The following ZNF518B variants were observed in gnomAD, a reference collection of about 807,000 sequenced individuals.
ZNF518B encodes the protein zinc finger protein 518B.
A neutral mutation model predicts 56.3 loss-of-function variants in ZNF518B; 23 were observed. The ratio of observed to expected loss-of-function variants is 0.41; its 90% CI spans 0.29 to 0.58. ZNF518B has a LOEUF of 0.58. Ranked by LOEUF, ZNF518B falls within the 20% of genes least tolerant of loss-of-function variation. The probability of loss-of-function intolerance (pLI) is 0.32; values close to 1 mark genes in which losing one functional copy is unlikely to be tolerated. For missense variants in ZNF518B, 1,460 were observed against 1,272.1 expected, an observed-to-expected ratio of 1.15 and a Z score of -2.25; for synonymous variants, 529 against 465.9, an observed-to-expected ratio of 1.14 and a Z score of -1.74.
rs975659095 is a variant in ZNF518B, at chr4:10,441,865, G to A, written c.*1239C>T. The A allele has an allele frequency of 3.9e-5, 6 of 152,362 alleles. No homozygotes were observed. The East Asian group carries it at 1.2e-3, about 29-fold the overall frequency. The allele number at this position is 152,362 out of a possible 1,614,324, so 9.4% of individuals were successfully genotyped here. A position where few individuals can be genotyped will look rare whatever the true frequency, so the allele number is the denominator to read the frequency against. On this transcript the variant is annotated 3_prime_UTR_variant, in exon 3 of 3. Transcript: ENST00000326756. Reference sequence around the variant, plus strand: ...GCTGAGCAGCAGGGTAAGCATGAATGTGGTTAAGACAAATTAGAAACAGCG... The same window carrying A: ...GCTGAGCAGCAGGGTAAGCATGAATATGGTTAAGACAAATTAGAAACAGCG...
chr4:10,444,761 C>T lies in ZNF518B; in HGVS notation c.1568G>A (p.Ser523Asn), dbSNP rs9291410. ...FAESGRNLHSSSQQLLPFAAS... is the reference protein window; with the variant it reads ...FAESGRNLHSNSQQLLPFAAS... ...AGCAAATGGGAGTAACTGCTGTGAG[C>T]TACTGTGTAAATTTCTTCCACTTTC... The change falls in exon 3 of 3, where the codon AGC becomes AAC. Residue 523 changes from serine (S) to asparagine (N), a missense_variant. By Grantham distance (46) the Ser-to-Asn change is conservative (BLOSUM62 1). Transcript: ENST00000326756. 1,611,631 of 1,614,006 alleles carry T rather than the reference C, an allele frequency of 1. 804,663 individuals are homozygous for T. Among genetic ancestry groups the T allele is most frequent in the East Asian group, 1 (44,876 of 44,876 alleles).
At chr4:10,451,680 G>T (rs1459891340) in intron 2 of ZNF518B, 2 of 152,040 alleles carry the variant, frequency 1.3e-5, no homozygotes, top group Non-Finnish European at 2.9e-5. Context: ...TTATTTGTTT[G>T]GTTATACCGC....
In ZNF518B at chr4:10,444,525, T is replaced by A. The variant is rs370725156; in HGVS notation, c.1804A>T (p.Ile602Leu). Residue 602 changes from isoleucine (I) to leucine (L), a missense_variant, in exon 3 of 3, where the codon ATA (isoleucine) becomes TTA (leucine). Physicochemically the swap from Ile to Leu is conservative, Grantham distance 5 (BLOSUM62 2). Coordinates refer to ENST00000326756, the MANE Select transcript of ZNF518B (RefSeq NM_053042.3). Reference protein sequence around the residue: ...QHKSEYLHINITGEDRSQQPG... With the variant: ...QHKSEYLHINLTGEDRSQQPG... The stretch of plus-strand genomic sequence containing the variant: ...TGTTGAGATCTATCTTCTCCAGTTA[T>A]GTTTATATGTAAATACTCACTCTTA... 6.2e-7 allele frequency: 1 copy of A among 1,614,144 alleles called. No individual in the cohort carries two copies.
chr4:10,450,431 CAG>C (rs1408039906), intron 2 of ZNF518B, among the ~76,000 whole-genome samples: 1 of 152,120 alleles, frequency 6.6e-6, no homozygotes, highest in African/African-American at 2.4e-5. Context: ...TGTCTAGTAA[CAG>C]AGGGAAATGC....
rs564668134 is a variant in ZNF518B, at chr4:10,439,881, C to T, written c.*3223G>A. 1 of 152,462 alleles carries T rather than the reference C, an allele frequency of 6.6e-6. No individual in the cohort carries two copies. The highest frequency in any genetic ancestry group is 1.9e-4 in the East Asian group (1 of 5,138). 9.4% of individuals were successfully genotyped at this position (152,462 alleles called of 1,614,324 possible). ...AAGTCACCTGCATAACGTTTGAAAT[C>T]AAAGGGCAAAGAAAATTTTTGTTGC... On this transcript the variant is annotated 3_prime_UTR_variant, in exon 3 of 3. Coordinates refer to ENST00000326756, the MANE Select transcript of ZNF518B (RefSeq NM_053042.3).
Position 10,444,946 on chromosome 4 carries a change from C to G in ZNF518B, c.1383G>C (p.Glu461Asp), listed in dbSNP as rs1331009557. ...ACAAATTATTTTTTTTCTGAAAATC[C>G]TCAATTGTTTCCGAATTAATGAAGG... is the stretch of plus-strand genomic sequence containing the variant. ...GKSFINSETIEDFQKKNNLYP... is the reference protein window; with the variant it reads ...GKSFINSETIDDFQKKNNLYP... Residue 461 changes from glutamate to aspartate, a missense_variant, in exon 3 of 3, where the codon GAG becomes GAC. Coordinates refer to ENST00000326756, the MANE Select transcript of ZNF518B (RefSeq NM_053042.3). 4 of 1,611,058 alleles carry G rather than the reference C, an allele frequency of 2.5e-6. No individual in the cohort carries two copies. Among genetic ancestry groups the G allele is most frequent in the Non-Finnish European group, 8.5e-7 (1 of 1,179,198 alleles).
chr4:10,447,905 T>A (rs1384695072), intron 2 of ZNF518B, among the ~76,000 whole-genome samples: 2 of 152,182 alleles, frequency 1.3e-5, no homozygotes, highest in Non-Finnish European at 2.9e-5. Context: ...TGCCTCAGCC[T>A]CCCAAAGTGC....
chr4:10,459,195 G>C (rs771817482), upstream of ZNF518B, among the ~76,000 whole-genome samples: 5 of 152,214 alleles, frequency 3.3e-5, no homozygotes, highest in African/African-American at 4.8e-5. Context: ...CTGGCAGATA[G>C]AAGTGACTGT....
chr4:10,447,714 A>G (rs1715128038), intron 2 of ZNF518B, among the ~76,000 whole-genome samples: 2 of 148,706 alleles, frequency 1.3e-5, no homozygotes, highest in African/African-American at 5.0e-5. Context: ...CAATGGTGCA[A>G]TCTTGGCTCA....
intron 1 of ZNF518B, among the ~76,000 whole-genome samples, chr4:10,455,656 C>T (rs2108998079): frequency 1.3e-5 from 2 of 152,198 alleles, no homozygotes; most frequent in South Asian, 4.2e-4. Context: ...ATCTTCAGAT[C>T]GGGTATAATA....
At position 10,440,954 on chromosome 4, in the gene ZNF518B, A is replaced by T. The variant is rs1714649586; in HGVS notation, c.*2150T>A. Reference sequence around the variant, plus strand: ...TTCATGCCACAGGAGTACAATATATAACATGGATAAAACTTCGAATGCTCT... The same window carrying T: ...TTCATGCCACAGGAGTACAATATATTACATGGATAAAACTTCGAATGCTCT... On this transcript the variant is annotated 3_prime_UTR_variant, in exon 3 of 3. Transcript: ENST00000326756. 6.8e-6 allele frequency: 1 copy of T among 147,608 alleles called. No individual in the cohort carries two copies. Among genetic ancestry groups the T allele is most frequent in the Non-Finnish European group, 1.5e-5 (1 of 66,998 alleles). 9.1% of individuals were successfully genotyped at this position (147,608 alleles called of 1,614,324 possible).
At chr4:10,454,662 T>C (rs1378749047) in intron 2 of ZNF518B, 143 bp downstream of exon 2, 4 of 152,248 alleles carry the variant, frequency 2.6e-5, no homozygotes, top group East Asian at 1.9e-4. Flanking sequence ...GGAGAAGCTA[T>C]ATGGCTTTTT....
In ZNF518B at chr4:10,443,571, C is replaced by A. The variant is rs558440989; in HGVS notation, c.2758G>T (p.Ala920Ser). The A allele has an allele frequency of 1.2e-6, 2 of 1,614,162 alleles. No homozygotes were observed. Among genetic ancestry groups the A allele is most frequent in the Admixed American group, 1.7e-5 (1 of 60,024 alleles). Residue 920 changes from alanine (A) to serine (S), a missense_variant, in exon 3 of 3, where the codon GCA becomes TCA. Ala to Ser is a moderately conservative substitution (Grantham distance 99, BLOSUM62 1). Transcript: ENST00000326756. Reference sequence around the variant, plus strand: ...GCTGCTATCAGTCTTAGTTGCCTTGCAACCTGAAAAATTGAAGGATCCTTG... The same window carrying A: ...GCTGCTATCAGTCTTAGTTGCCTTGAAACCTGAAAAATTGAAGGATCCTTG... The part of the protein sequence containing the change: ...CLKDPSIFQV[A>S]RQLRLIAAKP...
At position 10,443,652 on chromosome 4, in the gene ZNF518B, G is replaced by C. The variant is rs1389766523; in HGVS notation, c.2677C>G (p.Gln893Glu). ...SLSISRNKTK[Q>E]VHLSRKKNKI... Reference sequence around the variant, plus strand: ...TTTTTCTTCCTGGATAAGTGTACTTGTTTGGTTTTATTTCTACTTATAGAA... The same window carrying C: ...TTTTTCTTCCTGGATAAGTGTACTTCTTTGGTTTTATTTCTACTTATAGAA... Residue 893 changes from glutamine to glutamate, a missense_variant, in exon 3 of 3, where the codon CAA becomes GAA. By Grantham distance (29) the Gln-to-Glu change is conservative. Transcript: ENST00000326756. The C allele has an allele frequency of 1.2e-6, 2 of 1,613,942 alleles. No individual in the cohort carries two copies. Among genetic ancestry groups the C allele is most frequent in the African/African-American group, 2.7e-5 (2 of 74,906 alleles).
At position 10,440,258 on chromosome 4, in the gene ZNF518B, T is replaced by A. The variant is rs2108978601; in HGVS notation, c.*2846A>T. On this transcript the variant is annotated 3_prime_UTR_variant, in exon 3 of 3. Coordinates refer to ENST00000326756, the MANE Select transcript of ZNF518B (RefSeq NM_053042.3). Reference sequence around the variant, plus strand: ...ACTGGGGATACAAAATTGAATATAATATAGTCTATCAGAGTATACTTTGGG... The same window carrying A: ...ACTGGGGATACAAAATTGAATATAAAATAGTCTATCAGAGTATACTTTGGG... The A allele has an allele frequency of 6.6e-6, 1 of 151,700 alleles. No individual in the cohort carries two copies. The highest frequency in any genetic ancestry group is 1.9e-4 in the East Asian group (1 of 5,148). 9.4% of individuals were successfully genotyped at this position (151,700 alleles called of 1,614,324 possible).
rs1254195301 is a variant in ZNF518B at position 10,444,577 on chromosome 4, T to G, written c.1752A>C (p.Ser584=). 6 of 1,614,160 alleles carry G rather than the reference T, an allele frequency of 3.7e-6. No homozygotes were observed. The South Asian group carries it at 6.6e-5, about 18-fold the overall frequency. Residue 584 remains serine, a synonymous_variant, in exon 3 of 3, where the codon TCA becomes TCC. Transcript: ENST00000326756. ...GTTGAGAGGAAATCTGGCCTACAGTTGAAACTGCCTTGTGTTCCTCTGTCT... is the reference window on the plus strand; with the variant it reads ...GTTGAGAGGAAATCTGGCCTACAGTGGAAACTGCCTTGTGTTCCTCTGTCT... The part of the protein sequence containing the change: ...DNQTEEHKAV[S]TVGQISSQHK...
Position 10,443,725 on chromosome 4 carries a change from T to C in ZNF518B, c.2604A>G (p.Gln868=). 1 of 1,614,208 alleles carries C rather than the reference T, an allele frequency of 6.2e-7. No homozygotes were observed. Among genetic ancestry groups the C allele is most frequent in the Non-Finnish European group, 8.5e-7 (1 of 1,180,040 alleles). The change falls in exon 3 of 3, where the codon CAA becomes CAG. Residue 868 remains glutamine (Q), a synonymous_variant. Coordinates refer to ENST00000326756, the MANE Select transcript of ZNF518B (RefSeq NM_053042.3). The stretch of plus-strand genomic sequence containing the variant: ...CTTGCTTATTTAATTCACTGCTTCC[T>C]TGCTGTCCATACAAGAGGCCAGTTT... ...HRKTGLLYGQ[Q]GSSELNKQGR...
intron 2 of ZNF518B, among the ~76,000 whole-genome samples, chr4:10,449,954 A>C (rs1380260111): frequency 6.6e-6 from 1 of 152,182 alleles, no homozygotes; most frequent in Non-Finnish European, 1.5e-5. Flanking sequence ...AGTCCTTTCA[A>C]AAGTTGGGGG....
rs997983300 is a variant in ZNF518B, at chr4:10,444,187, G to A, written c.2142C>T (p.Leu714=). 3.1e-6 allele frequency: 5 copies of A among 1,614,102 alleles called. No individual in the cohort carries two copies. The African/African-American group carries it at 6.7e-5, about 22-fold the overall frequency. Residue 714 remains leucine, a synonymous_variant, in exon 3 of 3, where the codon CTC becomes CTT. Coordinates refer to ENST00000326756, the MANE Select transcript of ZNF518B (RefSeq NM_053042.3). ...TACCTGTGGAATGGCCAAGACCAGTGAGTGACACGTTGATTTCTTGAATAC... is the reference window on the plus strand; with the variant it reads ...TACCTGTGGAATGGCCAAGACCAGTAAGTGACACGTTGATTTCTTGAATAC... The part of the protein sequence containing the change: ...SEGIQEINVS[L]TGLGHSTGTL...
Sources: allele counts gnomAD v4.1 joint callset (sites outside exome capture counted in the v4.1 genomes callset), GRCh38; gene constraint gnomAD v4.1.1; transcripts MANE v1.5; gene names NCBI Gene and HGNC (gene_info 2026-07-23, HGNC 2026-07-21).